LGR4: variants seen among roughly 807,000 people sequenced by gnomAD.
LGR4 encodes leucine-rich repeat-containing G protein-coupled receptor 4.
A neutral mutation model predicts 84.8 loss-of-function variants in LGR4; 44 were observed. The observed-to-expected ratio is 0.52, with a 90% CI of 0.41 to 0.67. The LOEUF (loss-of-function observed/expected upper bound fraction) is 0.67, where lower values mean the gene tolerates loss of function less well. LGR4 is among the 30% of genes least tolerant of loss of function. LGR4 has a pLI of 0.00. For missense variants in LGR4, 1,032 were observed against 1,131.4 expected, an observed-to-expected ratio of 0.91 and a Z score of 1.26; for synonymous variants, 429 against 434.3, an observed-to-expected ratio of 0.99 and a Z score of 0.15.
At chr11:27,466,821 T>C (rs1864785434) in intron 1 of LGR4, among the ~76,000 whole-genome samples, 1 of 152,180 alleles carries the variant, frequency 6.6e-6, no homozygotes, top group Middle Eastern at 3.2e-3. Flanking sequence ...TCTCGCTCTG[T>C]TGCCCAGGCT....
intron 1 of LGR4, among the ~76,000 whole-genome samples, chr11:27,444,509 T>C (rs1864355470): frequency 6.6e-6 from 1 of 152,160 alleles, no homozygotes; most frequent in Admixed American, 6.5e-5. Context: ...GAATTGAATC[T>C]ACTTCTGAAA....
intron 2 of LGR4, among the ~76,000 whole-genome samples, chr11:27,402,898 AAAC>A (rs1181481917): frequency 2.0e-5 from 3 of 152,162 alleles, no homozygotes; most frequent in Non-Finnish European, 4.4e-5. Flanking sequence ...GCAAATACAC[AAAC>A]AACTACAGAG....
intron 1 of LGR4, among the ~76,000 whole-genome samples, chr11:27,427,254 T>C (rs1347915362): frequency 6.6e-6 from 1 of 152,218 alleles, no homozygotes; most frequent in Non-Finnish European, 1.5e-5. Flanking sequence ...CATATCTTTA[T>C]TGGCATGATG....
chr11:27,407,923 GAGAA>G (rs1863642179), intron 2 of LGR4, among the ~76,000 whole-genome samples: 1 of 152,122 alleles, frequency 6.6e-6, no homozygotes, highest in Admixed American at 6.6e-5. Flanking sequence ...GAAAGAGAGA[GAGAA>G]AGTTAACATT....
intron 1 of LGR4, among the ~76,000 whole-genome samples, chr11:27,470,483 G>A (rs1424534586): frequency 6.6e-6 from 1 of 152,116 alleles, no homozygotes; most frequent in African/African-American, 2.4e-5. Flanking sequence ...CCTTGCAAGA[G>A]GTTCAGGTAA....
chr11:27,427,754 T>C (rs1181947817), intron 1 of LGR4, among the ~76,000 whole-genome samples: 2 of 152,204 alleles, frequency 1.3e-5, no homozygotes, highest in African/African-American at 4.8e-5. Flanking sequence ...TTGCTATGAC[T>C]ATTCCAAGAA....
intron 2 of LGR4, among the ~76,000 whole-genome samples, chr11:27,410,509 C>T (rs1863689235): frequency 6.6e-6 from 1 of 152,044 alleles, no homozygotes; most frequent in East Asian, 1.9e-4. Context: ...CCAGATGACT[C>T]CTAGACAAAC....
At chr11:27,404,007 G>C (rs1201659439) in intron 2 of LGR4, among the ~76,000 whole-genome samples, 2 of 152,140 alleles carry the variant, frequency 1.3e-5, no homozygotes, top group African/African-American at 4.8e-5. Flanking sequence ...TTATTGTATT[G>C]AATAAGCATG....
intron 1 of LGR4, among the ~76,000 whole-genome samples, chr11:27,468,580 T>G (rs1291652311): frequency 6.6e-6 from 1 of 152,138 alleles, no homozygotes; most frequent in Admixed American, 6.5e-5. Context: ...TATTGTCACC[T>G]TGCCATCCTA....
At chr11:27,437,948 T>C (rs1443571488) in intron 1 of LGR4, among the ~76,000 whole-genome samples, 1 of 151,912 alleles carries the variant, frequency 6.6e-6, no homozygotes, top group Non-Finnish European at 1.5e-5. Flanking sequence ...CTTGCGAGGT[T>C]AAGATTGCAG....
chr11:27,394,517 C>A (rs1465881847), intron 2 of LGR4, among the ~76,000 whole-genome samples: 1 of 152,182 alleles, frequency 6.6e-6, no homozygotes, highest in African/African-American at 2.4e-5. Context: ...ATTCTCCTAC[C>A]TCAGCCTCCA....
chr11:27,418,832 CT>C (rs55877673), intron 1 of LGR4, among the ~76,000 whole-genome samples: 21,900 of 128,500 alleles, frequency 0.17, 1,633 homozygotes, highest in African/African-American at 0.39. Flanking sequence ...GGATTGAAAT[CT>C]TTTTTTTTTT....
At chr11:27,444,177 A>C (rs1864349208) in intron 1 of LGR4, among the ~76,000 whole-genome samples, 1 of 152,220 alleles carries the variant, frequency 6.6e-6, no homozygotes, top group Non-Finnish European at 1.5e-5. Flanking sequence ...ACACTGTTAA[A>C]ATTTTAGAGC....
intron 2 of LGR4, among the ~76,000 whole-genome samples, chr11:27,402,484 C>T (rs991574682): frequency 1.3e-5 from 2 of 152,282 alleles, no homozygotes; most frequent in East Asian, 3.9e-4. Context: ...AATAGTTCTA[C>T]CACCTTGTCA....
chr11:27,422,536 A>G (rs924702855), intron 1 of LGR4, among the ~76,000 whole-genome samples: 5 of 152,332 alleles, frequency 3.3e-5, no homozygotes, highest in African/African-American at 9.6e-5. Flanking sequence ...CAATTCAGGA[A>G]AATGTTTCAG....
intron 1 of LGR4, among the ~76,000 whole-genome samples, chr11:27,460,933 G>A (rs1042582083): frequency 3.3e-5 from 5 of 151,264 alleles, no homozygotes; most frequent in African/African-American, 9.7e-5. Flanking sequence ...GGTAGAAAAC[G>A]CACAACTGTA....
chr11:27,472,251 A>G lies in LGR4; in HGVS notation c.52T>C (p.Ser18Pro). ...GGCGCCGCGCCGCTGGGCCCGGCCG[A>G]GCCGAGCAGCCCCAGGGCGAGGAAG... ...LCFLALGLLG[S>P]AGPSGAAPPL... Residue 18 changes from serine to proline, a missense_variant, in exon 1 of 18, where the codon TCG (serine) becomes CCG (proline). Ser to Pro is a moderately conservative substitution (Grantham distance 74). Coordinates refer to ENST00000379214, the MANE Select transcript of LGR4 (RefSeq NM_018490.5). 1 of 1,317,008 alleles carries G rather than the reference A, an allele frequency of 7.6e-7. No homozygotes were observed. Among genetic ancestry groups the G allele is most frequent in the Non-Finnish European group, 9.6e-7 (1 of 1,038,926 alleles). 81.6% of individuals were successfully genotyped at this position (1,317,008 alleles called of 1,614,324 possible).
chr11:27,472,374 C>T lies in LGR4; in HGVS notation c.-72G>A. The T allele has an allele frequency of 8.8e-7, 1 of 1,136,944 alleles. No individual in the cohort carries two copies. Among genetic ancestry groups the T allele is most frequent in the Non-Finnish European group, 1.1e-6 (1 of 910,682 alleles). 70.4% of individuals were successfully genotyped at this position (1,136,944 alleles called of 1,614,324 possible). Reference sequence around the variant, plus strand: ...TCCGCTGCCCTCCGATGTCCCCCGCCGCCCCCGGGCAGCCGGCCTGCGGGC... The same window carrying T: ...TCCGCTGCCCTCCGATGTCCCCCGCTGCCCCCGGGCAGCCGGCCTGCGGGC... On this transcript the variant is annotated 5_prime_UTR_variant, in exon 1 of 18. Transcript: ENST00000379214.
intron 1 of LGR4, among the ~76,000 whole-genome samples, chr11:27,418,875 C>T (rs1234150563): frequency 6.7e-6 from 1 of 149,800 alleles, no homozygotes; most frequent in African/African-American, 2.5e-5. Flanking sequence ...ACTTTGTTGC[C>T]CCAGGCTAGA....
Sources: allele counts gnomAD v4.1 joint callset (sites outside exome capture counted in the v4.1 genomes callset), GRCh38; gene constraint gnomAD v4.1.1; transcripts MANE v1.5; gene names NCBI Gene and HGNC (gene_info 2026-07-23, HGNC 2026-07-21).